The following CFAP161 variants were observed in gnomAD, a reference collection of about 807,000 sequenced individuals.
The protein encoded by CFAP161 is cilia- and flagella-associated protein 161.
A neutral mutation model predicts 29.0 loss-of-function variants in CFAP161; 25 were observed. That is an observed-to-expected ratio of 0.86 (90% confidence interval 0.63 to 1.20). The LOEUF (loss-of-function observed/expected upper bound fraction) is 1.20, where lower values mean the gene tolerates loss of function less well. CFAP161 is among the 50% of genes most tolerant of loss of function. CFAP161 has a pLI of 0.00. For synonymous variants in CFAP161, 116 were observed against 137.4 expected, an observed-to-expected ratio of 0.84 and a Z score of 1.09; for missense variants, 367 against 371.9, an observed-to-expected ratio of 0.99 and a Z score of 0.11.
At chr15:81,104,779 C>T (rs1435940497) in intron 1 of CFAP161, among the ~76,000 whole-genome samples, 2 of 152,160 alleles carry the variant, frequency 1.3e-5, no homozygotes, top group African/African-American at 4.8e-5. Flanking sequence ...GGCTTCTATA[C>T]ATGGGTATAA....
chr15:81,143,522 G>A (rs1894950042), intron 4 of CFAP161, 140 bp from the exon 5 acceptor site: 2 of 898,126 alleles, frequency 2.2e-6, no homozygotes, highest in Admixed American at 2.3e-5. Flanking sequence ...GGAAAATTGT[G>A]CTTTCTCATA....
At chr15:81,106,998 C>T (rs1454541713) in intron 1 of CFAP161, among the ~76,000 whole-genome samples, 2 of 152,102 alleles carry the variant, frequency 1.3e-5, no homozygotes, top group Admixed American at 6.5e-5. Flanking sequence ...CCAAGGAGTG[C>T]AAGGCTACAG....
At chr15:81,143,580 C>T (rs945984340) in intron 4 of CFAP161, 82 bp from the exon 5 acceptor site, 12 of 1,434,904 alleles carry the variant, frequency 8.4e-6, no homozygotes, top group South Asian at 6.5e-5. Context: ...ATGTGCTTGC[C>T]GTCCAGCCAG....
At chr15:81,108,924 C>G (rs562085276) in intron 1 of CFAP161, among the ~76,000 whole-genome samples, 1 of 152,156 alleles carries the variant, frequency 6.6e-6, no homozygotes, top group East Asian at 1.9e-4. Flanking sequence ...AAAAGTTTTT[C>G]AAGATTCGGA....
chr15:81,102,984 T>G (rs533989691), intron 1 of CFAP161, among the ~76,000 whole-genome samples: 2 of 152,102 alleles, frequency 1.3e-5, no homozygotes, highest in Non-Finnish European at 2.9e-5. Context: ...AGACAAGCCT[T>G]TAAAATGTAC....
At chr15:81,134,208 T>G (rs1894765715), upstream of CFAP161, 1 of 1,205,506 alleles carries the variant, frequency 8.3e-7, no homozygotes, top group African/African-American at 1.5e-5. Context: ...GTGCGCGCTG[T>G]CGCTTATTGG....
At chr15:81,136,156 C>G (rs529960299) in intron 2 of CFAP161, among the ~76,000 whole-genome samples, 1 of 152,290 alleles carries the variant, frequency 6.6e-6, no homozygotes, top group African/African-American at 2.4e-5. Flanking sequence ...GAAACATAAA[C>G]AGTCTGCCCT....
At chr15:81,114,079 G>A (rs1377322571) in intron 1 of CFAP161, among the ~76,000 whole-genome samples, 1 of 152,106 alleles carries the variant, frequency 6.6e-6, no homozygotes, top group East Asian at 1.9e-4. Flanking sequence ...AAATATACTA[G>A]CAAACAAGCA....
At chr15:81,137,747 G>A (rs1159394789) in intron 3 of CFAP161, among the ~76,000 whole-genome samples, 1 of 152,166 alleles carries the variant, frequency 6.6e-6, no homozygotes, top group Non-Finnish European at 1.5e-5. Flanking sequence ...ACATGTCAAT[G>A]CACTTGACCA....
At chr15:81,115,830 C>T (rs1894490302) in intron 1 of CFAP161, among the ~76,000 whole-genome samples, 1 of 150,828 alleles carries the variant, frequency 6.6e-6, no homozygotes, top group African/African-American at 2.5e-5. Flanking sequence ...CAGCAGGTAC[C>T]ACTGTGCCTA....
At chr15:81,140,826 A>T (rs546939544) in intron 4 of CFAP161, among the ~76,000 whole-genome samples, 2 of 152,184 alleles carry the variant, frequency 1.3e-5, no homozygotes, top group Non-Finnish European at 2.9e-5. Flanking sequence ...AGTTCAAGTG[A>T]TCCTCCTGCC....
At chr15:81,122,741 C>T (rs188594516) in intron 1 of CFAP161, among the ~76,000 whole-genome samples, 134 of 152,108 alleles carry the variant, frequency 8.8e-4, no homozygotes, top group African/African-American at 3.1e-3. Flanking sequence ...ATCTGCCTGC[C>T]TCACCCTCCC....
At chr15:81,133,222 TATG>T (rs1567156462), upstream of CFAP161, among the ~76,000 whole-genome samples, 40 of 27,590 alleles carry the variant, frequency 1.4e-3, 1 homozygote, top group Non-Finnish European at 2.6e-3. Flanking sequence ...TATATATATA[TATG>T]TATTTTTTTT....
At chr15:81,105,663 C>T (rs1003844720) in intron 1 of CFAP161, among the ~76,000 whole-genome samples, 1 of 152,176 alleles carries the variant, frequency 6.6e-6, no homozygotes, top group Admixed American at 6.5e-5. Flanking sequence ...CTGCCTATTG[C>T]AGCAGCTCAT....
In CFAP161 at chr15:81,147,839, A is replaced by G; in HGVS notation, c.637-19A>G. ...AAAATGTTTAGAATGCTAATAACAC[A>G]TTTTCTTTATCTGTTAAGGCAAATG... On this transcript the variant is annotated intron_variant, in intron 5 of 6. Coordinates refer to ENST00000286732, the MANE Select transcript of CFAP161 (RefSeq NM_173528.4). The G allele has an allele frequency of 1.9e-6, 3 of 1,569,920 alleles. No homozygotes were observed. Among genetic ancestry groups the G allele is most frequent in the Non-Finnish European group, 2.6e-6 (3 of 1,160,390 alleles).
chr15:81,120,621 C>A (rs1346342052), intron 1 of CFAP161, among the ~76,000 whole-genome samples: 1 of 152,118 alleles, frequency 6.6e-6, no homozygotes, highest in African/African-American at 2.4e-5. Flanking sequence ...ACACAAGTTA[C>A]AGTAGTTGAC....
intron 2 of CFAP161, among the ~76,000 whole-genome samples, 195 bp from the exon 3 acceptor site, chr15:81,136,321 C>A (rs964633896): frequency 1.3e-5 from 2 of 152,032 alleles, no homozygotes; most frequent in Admixed American, 6.6e-5. Context: ...CAGCTTTATT[C>A]GACTTCATTT....
At chr15:81,141,214 C>G (rs1894902326) in intron 4 of CFAP161, among the ~76,000 whole-genome samples, 2 of 152,142 alleles carry the variant, frequency 1.3e-5, no homozygotes, top group African/African-American at 4.8e-5. Flanking sequence ...TTCTATCACC[C>G]AGTAAGATTT....
chr15:81,147,124 C>CGTAAAAATG, intron 5 of CFAP161, among the ~76,000 whole-genome samples: 1 of 151,818 alleles, frequency 6.6e-6, no homozygotes, highest in Non-Finnish European at 1.5e-5. Flanking sequence ...TGCAGATTCA[C>CGTAAAAATG]CGAGCACAAG....
Sources: allele counts gnomAD v4.1 joint callset (sites outside exome capture counted in the v4.1 genomes callset), GRCh38; gene constraint gnomAD v4.1.1; transcripts MANE v1.5; gene names NCBI Gene and HGNC (gene_info 2026-07-23, HGNC 2026-07-21).